The following EYA1 variants were observed in gnomAD, a reference collection of about 807,000 sequenced individuals.
EYA1 encodes protein phosphatase EYA1.
EYA1 carries 16 observed loss-of-function variants against 82.0 expected under a neutral mutation model. The observed-to-expected ratio is 0.20, with a 90% CI of 0.13 to 0.30. The LOEUF is 0.30. Ranked by LOEUF, EYA1 falls within the 10% of genes least tolerant of loss-of-function variation. The pLI, the probability that EYA1 is intolerant of heterozygous loss-of-function variation, is 1.00. For missense variants in EYA1, 633 were observed against 730.7 expected (o/e 0.87, Z 1.54); for synonymous variants, 261 against 264.4 (o/e 0.99, Z 0.12).
At chr8:71,455,068 A>G (rs2129183591) in intron 2 of EYA1, among the ~76,000 whole-genome samples, 1 of 152,296 alleles carries the variant, frequency 6.6e-6, no homozygotes, top group South Asian at 2.1e-4. Context: ...AAAACTGATA[A>G]AGGGGATATC....
At chr8:71,319,671 C>A (rs1376759044) in intron 6 of EYA1, among the ~76,000 whole-genome samples, 2 of 152,138 alleles carry the variant, frequency 1.3e-5, no homozygotes, top group Non-Finnish European at 2.9e-5. Context: ...AAAAGATACA[C>A]CAACCTTTTC....
intron 2 of EYA1, among the ~76,000 whole-genome samples, chr8:71,412,980 T>A (rs368690904): frequency 8.6e-4 from 131 of 152,132 alleles, no homozygotes; most frequent in African/African-American, 3.0e-3. Context: ...TTAGAGTGGG[T>A]AAGAGGTACT....
At chr8:71,430,792 C>G (rs1444106357) in intron 2 of EYA1, among the ~76,000 whole-genome samples, 2 of 150,754 alleles carry the variant, frequency 1.3e-5, no homozygotes, top group Non-Finnish European at 2.9e-5. Flanking sequence ...GGTGCAAAGT[C>G]AAAAGCTACC....
intron 2 of EYA1, among the ~76,000 whole-genome samples, chr8:71,388,734 G>A (rs145994584): frequency 6.8e-4 from 104 of 152,260 alleles, no homozygotes; most frequent in African/African-American, 2.3e-3. Context: ...AATAGGAAGT[G>A]AGCAGGTCTT....
In EYA1 at chr8:71,199,143, T is replaced by C. The variant is rs2128801063; in HGVS notation, c.*197A>G. 3.1e-6 allele frequency: 2 copies of C among 648,124 alleles called. No individual in the cohort carries two copies. The highest frequency in any genetic ancestry group is 2.8e-5 in the East Asian group (1 of 36,064). 40.1% of individuals were successfully genotyped at this position (648,124 alleles called of 1,614,324 possible). On this transcript the variant is annotated 3_prime_UTR_variant, in exon 18 of 18. Coordinates refer to ENST00000340726, the MANE Select transcript of EYA1 (RefSeq NM_000503.6). ...CTTATTTTCACTGGATTCACAGTAC[T>C]AGAGTCAACAGCTGTTCTGATGAAA...
At chr8:71,204,417 A>G (rs1320799765) in intron 17 of EYA1, among the ~76,000 whole-genome samples, 1 of 152,266 alleles carries the variant, frequency 6.6e-6, no homozygotes, top group African/African-American at 2.4e-5. Flanking sequence ...TTTTTAAAGC[A>G]TATACCCTCT....
intron 9 of EYA1, among the ~76,000 whole-genome samples, chr8:71,277,007 C>T (rs1817255038): frequency 6.6e-6 from 1 of 151,746 alleles, no homozygotes; most frequent in Admixed American, 6.6e-5. Flanking sequence ...CCGAGTCATC[C>T]TTCAACAACC....
intron 4 of EYA1, among the ~76,000 whole-genome samples, chr8:71,331,504 C>T (rs201467065): frequency 0.032 from 2,562 of 81,050 alleles, 73 homozygotes; most frequent in African/African-American, 0.1. Context: ...TATATATATA[C>T]ACATATATAT....
intron 2 of EYA1, among the ~76,000 whole-genome samples, chr8:71,460,875 T>C (rs997017749): frequency 1.5e-4 from 23 of 152,164 alleles, no homozygotes; most frequent in African/African-American, 5.5e-4. Flanking sequence ...ATTTAAATAA[T>C]ACAGTCTCTA....
chr8:71,259,209 G>C (rs1409310058), intron 11 of EYA1, among the ~76,000 whole-genome samples: 1 of 152,008 alleles, frequency 6.6e-6, no homozygotes, highest in Non-Finnish European at 1.5e-5. Flanking sequence ...CATTCTCTTG[G>C]TACCACTAAG....
intron 2 of EYA1, among the ~76,000 whole-genome samples, chr8:71,395,085 T>C (rs1046706641): frequency 6.6e-6 from 1 of 152,168 alleles, no homozygotes; most frequent in Non-Finnish European, 1.5e-5. Context: ...ATGATTTGGT[T>C]CTCTGTTGTC....
At chr8:71,282,973 C>G in intron 9 of EYA1, among the ~76,000 whole-genome samples, 1 of 129,404 alleles carries the variant, frequency 7.7e-6, no homozygotes, top group Non-Finnish European at 1.6e-5. Flanking sequence ...GCAACTTATT[C>G]TCTGTCCATG....
At chr8:71,433,808 T>C (rs1028150446) in intron 2 of EYA1, among the ~76,000 whole-genome samples, 4 of 152,234 alleles carry the variant, frequency 2.6e-5, no homozygotes, top group Admixed American at 2.0e-4. Context: ...CACTGGCTGT[T>C]ACTCTGAGTG....
At chr8:71,414,172 G>A (rs1430815662) in intron 2 of EYA1, among the ~76,000 whole-genome samples, 1 of 152,156 alleles carries the variant, frequency 6.6e-6, no homozygotes, top group Non-Finnish European at 1.5e-5. Context: ...TTGGATTCTG[G>A]CTGTCCCAGA....
chr8:71,491,334 A>T (rs1045883229), intron 2 of EYA1, among the ~76,000 whole-genome samples: 2 of 152,212 alleles, frequency 1.3e-5, no homozygotes, highest in African/African-American at 4.8e-5. Context: ...GGCCAGGGGA[A>T]ACAGGAACTC....
intron 9 of EYA1, among the ~76,000 whole-genome samples, chr8:71,274,470 A>G (rs1034720295): frequency 3.9e-5 from 6 of 152,130 alleles, no homozygotes; most frequent in East Asian, 1.9e-4. Context: ...AAATTGTTCA[A>G]GTTTACCCCC....
At chr8:71,437,286 A>G (rs1806083836) in intron 2 of EYA1, among the ~76,000 whole-genome samples, 1 of 151,954 alleles carries the variant, frequency 6.6e-6, no homozygotes, top group South Asian at 2.1e-4. Flanking sequence ...AAATTCATTC[A>G]TGGCAGATTC....
chr8:71,379,999 G>T (rs1828603516), intron 2 of EYA1, among the ~76,000 whole-genome samples: 1 of 152,154 alleles, frequency 6.6e-6, no homozygotes, highest in Admixed American at 6.5e-5. Flanking sequence ...CTGTCCTGCT[G>T]TCACTCAGGA....
At chr8:71,454,361 A>G (rs566847737) in intron 2 of EYA1, among the ~76,000 whole-genome samples, 1 of 152,302 alleles carries the variant, frequency 6.6e-6, no homozygotes, top group South Asian at 2.1e-4. Flanking sequence ...AGACAGATCA[A>G]TGAGACAGAA....
Sources: gnomAD v4.1 joint callset for allele counts (sites outside exome capture counted in the v4.1 genomes callset) on GRCh38, gnomAD v4.1.1 for gene constraint, MANE v1.5 for transcripts, NCBI Gene and HGNC (gene_info 2026-07-23, HGNC 2026-07-21) for gene names.